The following IQGAP1 variants were observed in gnomAD, a reference collection of about 807,000 sequenced individuals.
IQGAP1 encodes the protein ras GTPase-activating-like protein IQGAP1.
In IQGAP1, 66 loss-of-function variants were observed where a neutral mutation model predicts 215.6. That is an observed-to-expected ratio of 0.31 (90% CI 0.25 to 0.38). The LOEUF is 0.38. Ranked by LOEUF, IQGAP1 falls within the 10% of genes least tolerant of loss-of-function variation. IQGAP1 has a pLI of 1.00. For synonymous variants in IQGAP1, 772 were observed against 728.7 expected (o/e 1.06, Z -0.96); for missense variants, 1,712 against 1,997.1 (o/e 0.86, Z 2.72).
intron 34 of IQGAP1, 125 bp from the exon 35 acceptor site, chr15:90,492,419 TA>T (rs56724183): frequency 0.21 from 77,526 of 368,582 alleles, 574 homozygotes; most frequent in Middle Eastern, 0.24. Context: ...ACAGAGTGTC[TA>T]AAAAAAAAAA....
At chr15:90,481,128 T>A (rs1252554844) in intron 26 of IQGAP1, among the ~76,000 whole-genome samples, 6 of 152,182 alleles carry the variant, frequency 3.9e-5, no homozygotes, top group South Asian at 4.1e-4. Flanking sequence ...GAGGCTCTAG[T>A]GGAAACTCTG....
intron 5 of IQGAP1, among the ~76,000 whole-genome samples, chr15:90,436,952 T>C (rs961296694): frequency 1.1e-4 from 17 of 152,236 alleles, no homozygotes; most frequent in Non-Finnish European, 2.1e-4. Context: ...TCAGTGTTCC[T>C]GGTACTGTGA....
Position 90,466,327 on chromosome 15 carries a change from A to ACT in IQGAP1, c.1927_1928dup (p.Ser644Ter). 1 of 1,614,162 alleles carries ACT rather than the reference A, an allele frequency of 6.2e-7. No individual in the cohort carries two copies. The highest frequency in any genetic ancestry group is 8.5e-7 in the Non-Finnish European group (1 of 1,180,008). On this transcript the variant is annotated frameshift_variant, in exon 17 of 38. Coordinates refer to ENST00000268182, the MANE Select transcript of IQGAP1 (RefSeq NM_003870.4). LOFTEE classifies it high-confidence loss of function. ...TAGAAAGTGGTGATGTTGGCAAAAC[A>ACT]CTGAGTGCCCTTCGCTCCCCTGATG...
chr15:90,459,066 G>A (rs184494342), intron 15 of IQGAP1, among the ~76,000 whole-genome samples: 13 of 152,274 alleles, frequency 8.5e-5, no homozygotes, highest in Non-Finnish European at 1.3e-4. Flanking sequence ...GTTTTTATAC[G>A]TCTGGCTACT....
chr15:90,492,193 G>A (rs1313876099), intron 34 of IQGAP1, among the ~76,000 whole-genome samples: 3 of 152,136 alleles, frequency 2.0e-5, no homozygotes, highest in African/African-American at 7.2e-5. Context: ...GTCAGGCACC[G>A]TGGCTCACAT....
intron 7 of IQGAP1, among the ~76,000 whole-genome samples, chr15:90,440,849 C>T (rs1386507444): frequency 6.6e-6 from 1 of 152,200 alleles, no homozygotes; most frequent in Admixed American, 6.5e-5. Flanking sequence ...TGGCTCACGC[C>T]TGTAATCCCA....
intron 37 of IQGAP1, 126 bp from the exon 38 acceptor site, chr15:90,499,869 A>G (rs1368805665): frequency 1.6e-6 from 1 of 630,670 alleles, no homozygotes; most frequent in Non-Finnish European, 2.8e-6. Context: ...CCCAGTTCAC[A>G]TCTGGCACAC....
intron 37 of IQGAP1, among the ~76,000 whole-genome samples, chr15:90,498,668 G>T (rs1024443150): frequency 1.3e-5 from 2 of 151,934 alleles, no homozygotes; most frequent in Non-Finnish European, 1.5e-5. Flanking sequence ...TGGAGGGGGG[G>T]GCAGAGTCTC....
rs749251695 is a variant in IQGAP1 at position 90,439,329 on chromosome 15, T to C, written c.468-3T>C. ...CTAACCTTTTGCATATTGTATCTTC[T>C]AGTTTGTACCTGTTCAAGCTAGGCC... On this transcript the variant is annotated splice_region_variant and splice_polypyrimidine_tract_variant and intron_variant, in intron 5 of 37. Transcript: ENST00000268182. 7 of 1,612,244 alleles carry C rather than the reference T, an allele frequency of 4.3e-6. No individual in the cohort carries two copies. The Admixed American group carries it at 6.7e-5, about 15-fold the overall frequency.
intron 2 of IQGAP1, among the ~76,000 whole-genome samples, chr15:90,410,506 A>G (rs1284181051): frequency 6.6e-6 from 1 of 152,234 alleles, no homozygotes; most frequent in Non-Finnish European, 1.5e-5. Context: ...CTATGAAGCC[A>G]TAAAAAAGGA....
chr15:90,451,529 G>A (rs1167457776), intron 11 of IQGAP1, among the ~76,000 whole-genome samples: 1 of 152,090 alleles, frequency 6.6e-6, no homozygotes, highest in African/African-American at 2.4e-5. Context: ...CATGAGAATG[G>A]CACAAAGCCG....
In IQGAP1 at chr15:90,454,481, A is replaced by C; in HGVS notation, c.1541A>C (p.Glu514Ala). 6.2e-7 allele frequency: 1 copy of C among 1,612,252 alleles called. No individual in the cohort carries two copies. The highest frequency in any genetic ancestry group is 8.5e-7 in the Non-Finnish European group (1 of 1,179,354). Residue 514 changes from glutamate (E) to alanine (A), a missense_variant, in exon 14 of 38, where the codon GAA becomes GCA. Physicochemically the swap from Glu to Ala is moderately radical, Grantham distance 107 (BLOSUM62 -1). Around this residue, in one of 2 missense-constraint regions of IQGAP1, gnomAD observed 1,021 missense variants for 1,074.2 expected, o/e 0.95. Coordinates refer to ENST00000268182, the MANE Select transcript of IQGAP1 (RefSeq NM_003870.4). ...GCTCAGGCACATGCAGAGAATAATG[A>C]ATTCATTACATGGAATGATATCCAA... ...LKAQAHAENN[E>A]FITWNDIQAC... is the part of the protein sequence containing the mutation.
rs137888988 is a variant in IQGAP1, at chr15:90,433,315, C to G, written c.391-404C>G. Among the ~76,000 whole-genome samples, 404 of 152,220 alleles carry G rather than the reference C, an allele frequency of 2.7e-3. 5 individuals carry two copies. Among genetic ancestry groups the G allele is most frequent in the South Asian group, 0.022 (104 of 4,818 alleles). On this transcript the variant is annotated intron_variant, in intron 4 of 37. Transcript: ENST00000268182. ...TTGTTGAGTTGTTTCTCCATCTAGG[C>G]ATGGTAGATAGTAACTAGGAGCATT...
At chr15:90,489,291 C>A (rs550946563) in intron 33 of IQGAP1, among the ~76,000 whole-genome samples, 79 of 152,056 alleles carry the variant, frequency 5.2e-4, no homozygotes, top group African/African-American at 1.8e-3. Context: ...CCACACCTGG[C>A]TAATTTTTGT....
chr15:90,443,761 C>G (rs1409345870), intron 9 of IQGAP1, among the ~76,000 whole-genome samples: 1 of 152,066 alleles, frequency 6.6e-6, no homozygotes, highest in Non-Finnish European at 1.5e-5. Flanking sequence ...ATATTATTTT[C>G]CTGGCCAGGC....
intron 5 of IQGAP1, among the ~76,000 whole-genome samples, chr15:90,436,199 C>T (rs181189138): frequency 6.6e-6 from 1 of 151,838 alleles, no homozygotes; most frequent in Non-Finnish European, 1.5e-5. Context: ...TCTCAAAATA[C>T]TTGTATACTA....
chr15:90,497,532 G>A (rs1966288591), intron 37 of IQGAP1, among the ~76,000 whole-genome samples, 192 bp downstream of exon 37: 1 of 152,220 alleles, frequency 6.6e-6, no homozygotes, highest in Non-Finnish European at 1.5e-5. Context: ...GAGAGCTTTT[G>A]CAGATGTCAC....
intron 26 of IQGAP1, among the ~76,000 whole-genome samples, chr15:90,481,418 C>T (rs1441880500): frequency 6.6e-6 from 1 of 151,884 alleles, no homozygotes; most frequent in Non-Finnish European, 1.5e-5. Flanking sequence ...TGGTTTCTAA[C>T]AAAGTCCAGA....
intron 15 of IQGAP1, among the ~76,000 whole-genome samples, chr15:90,463,179 C>T (rs550940777): frequency 6.6e-6 from 1 of 152,154 alleles, no homozygotes; most frequent in Non-Finnish European, 1.5e-5. Context: ...GCCTTTCATA[C>T]TATTGCTCTA....
Sources: allele counts gnomAD v4.1 joint callset (sites outside exome capture counted in the v4.1 genomes callset), GRCh38; gene constraint gnomAD v4.1.1; regional missense constraint gnomAD v4.1.1; transcripts MANE v1.5; gene names NCBI Gene and HGNC (gene_info 2026-07-23, HGNC 2026-07-21).